The following KDM4C variants were observed in gnomAD, a reference collection of about 807,000 sequenced individuals.
KDM4C encodes lysine demethylase 4C, also known as lysine-specific demethylase 4C.
In KDM4C, 81 loss-of-function variants were observed where a neutral mutation model predicts 129.3. That is an observed-to-expected ratio of 0.63 (90% CI 0.52 to 0.75). The LOEUF is 0.75. Ranked by LOEUF, KDM4C falls within the 30% of genes least tolerant of loss-of-function variation. KDM4C has a pLI of 0.00. For synonymous variants in KDM4C, 573 were observed against 456.1 expected, an observed-to-expected ratio of 1.26 and a Z score of -3.26; for missense variants, 1,457 against 1,304.0, an observed-to-expected ratio of 1.12 and a Z score of -1.81.
intron 8 of KDM4C, among the ~76,000 whole-genome samples, chr9:6,963,029 G>T (rs1226313951): frequency 6.6e-6 from 1 of 152,088 alleles, no homozygotes; most frequent in African/African-American, 2.4e-5. Context: ...AGGCTTCTTG[G>T]GTTTGAATCT....
At chr9:6,976,014 G>A (rs1317392096) in intron 8 of KDM4C, among the ~76,000 whole-genome samples, 3 of 152,184 alleles carry the variant, frequency 2.0e-5, no homozygotes, top group African/African-American at 4.8e-5. Context: ...CTCCAGCCTG[G>A]GTGACAAAGT....
chr9:7,118,329 A>G (rs182116645), intron 18 of KDM4C, among the ~76,000 whole-genome samples: 6 of 152,338 alleles, frequency 3.9e-5, no homozygotes, highest in Non-Finnish European at 4.4e-5. Flanking sequence ...TTGATGAGTC[A>G]TATGTGTATT....
At position 6,912,108 on chromosome 9, in the gene KDM4C, G is replaced by C. The variant is rs527431715; in HGVS notation, c.921+18876G>C. On this transcript the variant is annotated intron_variant, in intron 8 of 21. Coordinates refer to ENST00000381309, the MANE Select transcript of KDM4C (RefSeq NM_015061.6). ...ACCTTAGGAAAGAGGTTTTCTCAAGGTGCAGGCAGAGCCAGGGAGGGGCCT... is the reference window on the plus strand; with the variant it reads ...ACCTTAGGAAAGAGGTTTTCTCAAGCTGCAGGCAGAGCCAGGGAGGGGCCT... Among the ~76,000 whole-genome samples the C allele has an allele frequency of 6.6e-5, 10 of 152,294 alleles. No homozygotes were observed. The South Asian group carries it at 1.9e-3, about 28-fold the overall frequency.
At chr9:6,946,045 T>G (rs950237562) in intron 8 of KDM4C, among the ~76,000 whole-genome samples, 12 of 152,214 alleles carry the variant, frequency 7.9e-5, no homozygotes, top group African/African-American at 2.9e-4. Context: ...GTATGAAAAA[T>G]TGAATGAGTT....
intron 8 of KDM4C, among the ~76,000 whole-genome samples, chr9:6,928,051 T>G (rs1334256998): frequency 6.6e-6 from 1 of 152,216 alleles, no homozygotes; most frequent in African/African-American, 2.4e-5. Context: ...CTCTATTTTC[T>G]CACCACTTAT....
intron 12 of KDM4C, among the ~76,000 whole-genome samples, chr9:7,003,812 A>T (rs1821166844): frequency 6.6e-6 from 1 of 152,174 alleles, no homozygotes; most frequent in South Asian, 2.1e-4. Context: ...AAATCACTTA[A>T]ATATAGTTTC....
chr9:6,990,027 C>A (rs1424036477), intron 11 of KDM4C, among the ~76,000 whole-genome samples: 1 of 152,044 alleles, frequency 6.6e-6, no homozygotes, highest in East Asian at 1.9e-4. Flanking sequence ...ATCCCTTCAC[C>A]TTGGCCTCCC....
intron 8 of KDM4C, among the ~76,000 whole-genome samples, chr9:6,943,924 T>G (rs1486250422): frequency 6.6e-6 from 1 of 152,226 alleles, no homozygotes; most frequent in Non-Finnish European, 1.5e-5. Flanking sequence ...CACTTTGCTA[T>G]GCCTTGCTGC....
chr9:6,992,306 A>G (rs948648355), intron 12 of KDM4C, among the ~76,000 whole-genome samples: 13 of 152,202 alleles, frequency 8.5e-5, no homozygotes, highest in African/African-American at 3.1e-4. Context: ...TCTTTTTGGA[A>G]AGCAGTTCTG....
chr9:7,091,862 A>T (rs1835843575), intron 17 of KDM4C, among the ~76,000 whole-genome samples: 1 of 152,192 alleles, frequency 6.6e-6, no homozygotes, highest in South Asian at 2.1e-4. Flanking sequence ...TTAGATTGAG[A>T]AGAAGGAAGA....
chr9:6,805,879 C>T (rs1359975381), intron 3 of KDM4C, 105 bp downstream of exon 3: 1 of 1,041,856 alleles, frequency 9.6e-7, no homozygotes, highest in Non-Finnish European at 1.3e-6. Flanking sequence ...CAGGAGTCTC[C>T]CATGCAATTT....
chr9:6,959,825 A>C (rs1159740548), intron 8 of KDM4C, among the ~76,000 whole-genome samples: 1 of 152,168 alleles, frequency 6.6e-6, no homozygotes, highest in Non-Finnish European at 1.5e-5. Context: ...ATGCCTGTCA[A>C]CTTAATTTAT....
upstream of KDM4C, among the ~76,000 whole-genome samples, chr9:6,754,711 C>T (rs567274412): frequency 2.0e-5 from 3 of 151,168 alleles, no homozygotes; most frequent in African/African-American, 7.3e-5. Flanking sequence ...CCTGACTCTA[C>T]AAAGAAATAA....
chr9:7,048,417 A>C (rs1333123465), intron 16 of KDM4C, among the ~76,000 whole-genome samples: 1 of 152,060 alleles, frequency 6.6e-6, no homozygotes, highest in Non-Finnish European at 1.5e-5. Context: ...TTCAAACCTC[A>C]TGATTCTTTA....
At chr9:6,932,655 C>A (rs1823961455) in intron 8 of KDM4C, among the ~76,000 whole-genome samples, 1 of 152,188 alleles carries the variant, frequency 6.6e-6, no homozygotes, top group African/African-American at 2.4e-5. Context: ...GCCAAAGCAG[C>A]AGAGCCAAAC....
At chr9:7,152,844 A>G (rs188524599) in intron 19 of KDM4C, among the ~76,000 whole-genome samples, 213 of 152,344 alleles carry the variant, frequency 1.4e-3, no homozygotes, top group Non-Finnish European at 5.1e-4. Context: ...ACATGAAAGA[A>G]AATAAAGGCT....
At chr9:6,832,207 G>C (rs987451667) in intron 4 of KDM4C, among the ~76,000 whole-genome samples, 37 of 151,218 alleles carry the variant, frequency 2.4e-4, no homozygotes, top group Middle Eastern at 3.2e-3. Flanking sequence ...GGGCGTGGTG[G>C]TGGGAGCCTG....
rs147737019 is a variant in KDM4C, at chr9:6,801,127, C to T, written c.145-4472C>T. 1.5e-3 allele frequency among the ~76,000 whole-genome samples: 222 copies of T among 151,510 alleles called. 3 individuals carry two copies. Among genetic ancestry groups the T allele is most frequent in the African/African-American group, 4.6e-3 (191 of 41,268 alleles). On this transcript the variant is annotated intron_variant, in intron 2 of 21. Coordinates refer to ENST00000381309, the MANE Select transcript of KDM4C (RefSeq NM_015061.6). ...GACCCCAAGTTTCTTTATCTGATGA[C>T]GCTTGACTTGAGTTTCAGAGTTATA...
chr9:6,835,072 A>G, intron 4 of KDM4C: 5 of 971,800 alleles, frequency 5.1e-6, no homozygotes, highest in Non-Finnish European at 8.4e-6. Context: ...TGAGTGGGAT[A>G]TCGTGCGTGA....
Sources: gnomAD v4.1 joint callset for allele counts (sites outside exome capture counted in the v4.1 genomes callset) on GRCh38, gnomAD v4.1.1 for gene constraint, MANE v1.5 for transcripts, NCBI Gene and HGNC (gene_info 2026-07-23, HGNC 2026-07-21) for gene names.